The following SCARB1 variants were observed in gnomAD, a reference collection of about 807,000 sequenced individuals.
The protein encoded by SCARB1 is CD36 and LIMPII analogous 1.
A neutral mutation model predicts 57.2 loss-of-function variants in SCARB1; 30 were observed. The observed-to-expected ratio is 0.52, with a 90% CI of 0.39 to 0.71. The LOEUF is 0.71. Among genes scored for constraint, SCARB1 ranks in the 30% least tolerant of loss-of-function variants. The pLI is 0.00. For synonymous variants in SCARB1, 249 were observed against 268.3 expected, an observed-to-expected ratio of 0.93 and a Z score of 0.70; for missense variants, 543 against 671.2, an observed-to-expected ratio of 0.81 and a Z score of 2.11.
At position 124,812,374 on chromosome 12, in the gene SCARB1, C is replaced by A. The variant is rs955530498; in HGVS notation, c.631-409G>T. On this transcript the variant is annotated intron_variant, in intron 4 of 12. Transcript: ENST00000261693. The surrounding 1 kb of genome is among the most constrained non-coding windows in gnomAD (Gnocchi z 4.3). ...CACACGCCTTTCACCGGGCTCTCTG[C>A]CGCTGCTATAGCAGCCAAGGAGGTA... Among the ~76,000 whole-genome samples, 5 of 152,346 alleles carry A rather than the reference C, an allele frequency of 3.3e-5. No homozygotes were observed. The highest frequency in any genetic ancestry group is 2.0e-4 in the Admixed American group (3 of 15,302).
At chr12:124,795,164 A>T in intron 9 of SCARB1, 31 bp downstream of exon 9, 1 of 1,569,188 alleles carries the variant, frequency 6.4e-7, no homozygotes, top group Non-Finnish European at 8.8e-7. Context: ...CTCAATGAGC[A>T]ATGCAGCCCC....
At chr12:124,783,149 C>T (rs1949378886) in intron 11 of SCARB1, 1 of 302,152 alleles carries the variant, frequency 3.3e-6, no homozygotes, top group East Asian at 7.7e-5. Context: ...TTAAAATCAA[C>T]GAGGAACAGA....
Position 124,857,886 on chromosome 12 carries a change from T to C in SCARB1, c.126+5709A>G, listed in dbSNP as rs568386301. 3.9e-5 allele frequency among the ~76,000 whole-genome samples: 6 copies of C among 152,312 alleles called. No homozygotes were observed. The East Asian group carries it at 9.7e-4, about 25-fold the overall frequency. ...TGGAAGAAGGCCATGAGGCCTATCA[T>C]TGAAGATGGTGGTCTTGGAAGATGA... On this transcript the variant is annotated intron_variant, in intron 1 of 12. Transcript: ENST00000261693.
chr12:124,813,693 A>C lies in SCARB1; in HGVS notation c.630+509T>G, dbSNP rs1950599027. ...AGTATCTATCACACGCAGCACCACG[A>C]TATCCCCCCCAGCACTCTACCCTGA... On this transcript the variant is annotated intron_variant, in intron 4 of 12. Transcript: ENST00000261693. 2.6e-5 allele frequency among the ~76,000 whole-genome samples: 4 copies of C among 152,182 alleles called. No individual in the cohort carries two copies. The South Asian group carries it at 8.3e-4, about 32-fold the overall frequency.
Position 124,853,389 on chromosome 12 carries a change from TG to T in SCARB1, c.126+10205del, listed in dbSNP as rs563580936. ...TGAAATGATCCAGTTTGCATAGTTT[TG>T]TTTTTTTTTTTTTTTTTTTTGGGAG... On this transcript the variant is annotated intron_variant, in intron 1 of 12. Transcript: ENST00000261693. 1.2e-3 allele frequency among the ~76,000 whole-genome samples: 144 copies of T among 124,096 alleles called. 1 individual carries two copies. The highest frequency in any genetic ancestry group is 5.2e-4 in the Non-Finnish European group (30 of 57,336). 81.4% of individuals were successfully genotyped at this position (124,096 alleles called of 152,430 possible). A position where few individuals can be genotyped will look rare whatever the true frequency, so the allele number is the denominator to read the frequency against.
Position 124,817,128 on chromosome 12 carries a change from GTGTGTA to G in SCARB1, c.284+416_284+421del, listed in dbSNP as rs10591427. On this transcript the variant is annotated intron_variant, in intron 2 of 12. Transcript: ENST00000261693. This position sits in a 1 kb window ranked among gnomAD's most constrained non-coding sequence, Gnocchi z 4.8. ...TGTATGTACGTGTGTATGTATGTAT[GTGTGTA>G]TGTGTATGTGTATGTGTGTGTATGT... Among the ~76,000 whole-genome samples the G allele has an allele frequency of 0.5, 75,205 of 149,624 alleles. 19,769 individuals are homozygous for G. Among genetic ancestry groups the G allele is most frequent in the Non-Finnish European group, 0.59 (39,683 of 67,236 alleles).
At chr12:124,832,144 C>CT (rs1951420526) in intron 1 of SCARB1, among the ~76,000 whole-genome samples, 1 of 152,228 alleles carries the variant, frequency 6.6e-6, no homozygotes, top group Non-Finnish European at 1.5e-5. Context: ...TATCCCATTC[C>CT]TTTAAGATGT....
chr12:124,787,721 T>TAA (rs1949575135), intron 9 of SCARB1, among the ~76,000 whole-genome samples: 1 of 152,044 alleles, frequency 6.6e-6, no homozygotes, highest in Admixed American at 6.5e-5. Context: ...TGTTTTTTTT[T>TAA]TTCTTTAGTT....
chr12:124,789,826 C>G lies in SCARB1; in HGVS notation c.1203-2369G>C, dbSNP rs577310704. ...AGGAGATTGAGACCATCCTGGGCAA[C>G]ATGGTGAAACCCCATCTCTACTAAA... On this transcript the variant is annotated intron_variant, in intron 9 of 12. Transcript: ENST00000261693. This position sits in a 1 kb window ranked among gnomAD's most constrained non-coding sequence, Gnocchi z 4.4. 2.7e-5 allele frequency among the ~76,000 whole-genome samples: 4 copies of G among 150,580 alleles called. No homozygotes were observed. The South Asian group carries it at 8.4e-4, about 32-fold the overall frequency.
At chr12:124,861,574 G>A (rs1952903037) in intron 1 of SCARB1, among the ~76,000 whole-genome samples, 1 of 152,210 alleles carries the variant, frequency 6.6e-6, no homozygotes, top group African/African-American at 2.4e-5. Context: ...GCTTATGCGT[G>A]TGTCTCACCC....
intron 1 of SCARB1, among the ~76,000 whole-genome samples, chr12:124,842,448 G>T (rs972989683): frequency 4.6e-5 from 7 of 152,230 alleles, no homozygotes; most frequent in African/African-American, 1.7e-4. Context: ...GGTGGAAGGG[G>T]ACCTCATATC....
chr12:124,807,923 T>G lies in SCARB1; in HGVS notation c.847A>C (p.Met283Leu). The stretch of plus-strand genomic sequence containing the variant: ...CCTGACTCCTTGTACATTAGCTTCA[T>G]GGATCTGCAGGGGACAGACAGGATG... Reference protein sequence around the residue: ...EFYSPEACRSMKLMYKESGVF... With the variant: ...EFYSPEACRSLKLMYKESGVF... The change falls in exon 7 of 13, where the codon ATG (methionine) becomes CTG (leucine). Residue 283 changes from methionine to leucine, a missense_variant. By Grantham distance (15) the Met-to-Leu change is conservative. Coordinates refer to ENST00000261693, the MANE Select transcript of SCARB1 (RefSeq NM_005505.5). The surrounding 1 kb of genome is among the most constrained non-coding windows in gnomAD (Gnocchi z 5.3). 1 of 1,614,098 alleles carries G rather than the reference T, an allele frequency of 6.2e-7. No homozygotes were observed. The highest frequency in any genetic ancestry group is 8.5e-7 in the Non-Finnish European group (1 of 1,179,992).
In SCARB1 at chr12:124,815,815, G is replaced by A. The variant is rs1950691007; in HGVS notation, c.285-701C>T. 2.0e-5 allele frequency among the ~76,000 whole-genome samples: 3 copies of A among 152,200 alleles called. No homozygotes were observed. In the South Asian group the frequency reaches 6.2e-4, roughly 32 times the overall value. On this transcript the variant is annotated intron_variant, in intron 2 of 12. Coordinates refer to ENST00000261693, the MANE Select transcript of SCARB1 (RefSeq NM_005505.5). ...TGGGGGGCGGACGTTGCAGTGAGCC[G>A]AGATCGCGCCACCGCACTCCAACCT...
At chr12:124,841,597 C>A (rs1192875219) in intron 1 of SCARB1, among the ~76,000 whole-genome samples, 1 of 151,950 alleles carries the variant, frequency 6.6e-6, no homozygotes, top group Non-Finnish European at 1.5e-5. Flanking sequence ...CCCCCACATG[C>A]CTGTCCCCTT....
intron 1 of SCARB1, among the ~76,000 whole-genome samples, chr12:124,841,610 A>C (rs1594363968): frequency 1.4e-5 from 2 of 145,262 alleles, no homozygotes; most frequent in Non-Finnish European, 3.0e-5. Flanking sequence ...GTCCCCTTTC[A>C]CCCCCTCCAG....
In SCARB1 at chr12:124,789,627, C is replaced by T. The variant is rs1269102232; in HGVS notation, c.1203-2170G>A. On this transcript the variant is annotated intron_variant, in intron 9 of 12. Coordinates refer to ENST00000261693, the MANE Select transcript of SCARB1 (RefSeq NM_005505.5). This position sits in a 1 kb window ranked among gnomAD's most constrained non-coding sequence, Gnocchi z 4.4. ...TCACAAAAGTCCTTAAAGAGAGAAG[C>T]GGGAAGTCCTAGCCAGAGCAATCAG... Among the ~76,000 whole-genome samples, 2 of 151,784 alleles carry T rather than the reference C, an allele frequency of 1.3e-5. No individual in the cohort carries two copies. The highest frequency in any genetic ancestry group is 1.9e-4 in the East Asian group (1 of 5,194).
chr12:124,825,025 T>C (rs963028230), intron 1 of SCARB1, among the ~76,000 whole-genome samples: 2 of 150,892 alleles, frequency 1.3e-5, no homozygotes, highest in Admixed American at 6.6e-5. Context: ...GAGATCGAGA[T>C]CATCCTGGCC....
intron 1 of SCARB1, among the ~76,000 whole-genome samples, chr12:124,844,528 C>CG (rs1168282438): frequency 1.3e-5 from 2 of 152,090 alleles, no homozygotes; most frequent in Admixed American, 6.5e-5. Flanking sequence ...TGTATTGGCG[C>CG]GGGGGGCAGG....
intron 1 of SCARB1, among the ~76,000 whole-genome samples, chr12:124,843,499 C>T (rs1952000312): frequency 6.6e-6 from 1 of 152,068 alleles, no homozygotes; most frequent in Non-Finnish European, 1.5e-5. Flanking sequence ...TCCACAGGAC[C>T]CAAGTAATGG....
Sources: gnomAD v4.1 joint callset for allele counts (sites outside exome capture counted in the v4.1 genomes callset) on GRCh38, gnomAD v4.1.1 for gene constraint, Gnocchi (gnomAD v3.1) non-coding constraint, MANE v1.5 for transcripts, NCBI Gene and HGNC (gene_info 2026-07-23, HGNC 2026-07-21) for gene names.